The following KCNV2 variants were observed in gnomAD, a reference collection of about 807,000 sequenced individuals.
KCNV2 encodes potassium voltage-gated channel subfamily V member 2.
Under a neutral mutation model 37.0 loss-of-function variants are expected in KCNV2, and 65 were observed. That is an observed-to-expected ratio of 1.76 (90% CI 1.44 to 2.16). The LOEUF (loss-of-function observed/expected upper bound fraction) is 2.16, where lower values mean the gene tolerates loss of function less well. KCNV2 is among the 30% of genes most tolerant of loss of function. KCNV2 has a pLI of 0.00. For synonymous variants in KCNV2, 518 were observed against 328.6 expected, an observed-to-expected ratio of 1.58 and a Z score of -6.23; for missense variants, 1,232 against 766.7, an observed-to-expected ratio of 1.61 and a Z score of -7.17.
Position 2,718,759 on chromosome 9 carries a change from G to T in KCNV2, c.1020G>T (p.Leu340=), listed in dbSNP as rs745605626. 4.3e-6 allele frequency: 7 copies of T among 1,611,710 alleles called. No individual in the cohort carries two copies. The South Asian group carries it at 7.7e-5, about 18-fold the overall frequency. Residue 340 remains leucine (L), a synonymous_variant, in exon 1 of 2, where the codon CTG becomes CTT. Coordinates refer to ENST00000382082, the MANE Select transcript of KCNV2 (RefSeq NM_133497.4). Reference sequence around the variant, plus strand: ...GCAGCGCCCTCAACCTGGTGGACCTGGTGGCCATCCTGCCGCTCTACCTTC... The same window carrying T: ...GCAGCGCCCTCAACCTGGTGGACCTTGTGGCCATCCTGCCGCTCTACCTTC... ...FARSALNLVD[L]VAILPLYLQL... is the part of the protein sequence containing the mutation.
chr9:2,728,847 TC>T (rs1820011146), intron 1 of KCNV2, among the ~76,000 whole-genome samples: 1 of 144,816 alleles, frequency 6.9e-6, no homozygotes, highest in Non-Finnish European at 1.5e-5. Flanking sequence ...TTCACAAGAA[TC>T]CTAAGAGTTA....
chr9:2,717,831 G>C lies in KCNV2; in HGVS notation c.92G>C (p.Cys31Ser). The C allele has an allele frequency of 6.2e-7, 1 of 1,614,220 alleles. No individual in the cohort carries two copies. Among genetic ancestry groups the C allele is most frequent in the Non-Finnish European group, 8.5e-7 (1 of 1,180,038 alleles). The change falls in exon 1 of 2, where the codon TGC becomes TCC. Residue 31 changes from cysteine (C) to serine (S), a missense_variant. Physicochemically the swap from Cys to Ser is moderately radical, Grantham distance 112. Transcript: ENST00000382082. ...NEGSQHRRSICSLGARSGSQA... is the reference protein window; with the variant it reads ...NEGSQHRRSISSLGARSGSQA... ...GGCAGCCAACACCGCAGGAGCATTT[G>C]CTCCCTGGGTGCCCGTTCCGGCTCC...
At position 2,718,208 on chromosome 9, in the gene KCNV2, G is replaced by T. The variant is rs773801117; in HGVS notation, c.469G>T (p.Val157Phe). ...DEYFFDRDPA[V>F]FQLVYNFYLS... is the part of the protein sequence containing the mutation. ...ATACTTCTTCGACCGCGACCCGGCC[G>T]TCTTCCAGCTGGTCTACAATTTCTA... is the stretch of plus-strand genomic sequence containing the variant. Residue 157 changes from valine (V) to phenylalanine (F), a missense_variant, in exon 1 of 2, where the codon GTC (valine) becomes TTC (phenylalanine). By Grantham distance (50) the Val-to-Phe change is conservative. Transcript: ENST00000382082. 1 of 1,613,358 alleles carries T rather than the reference G, an allele frequency of 6.2e-7. No individual in the cohort carries two copies. Among genetic ancestry groups the T allele is most frequent in the Non-Finnish European group, 8.5e-7 (1 of 1,179,936 alleles).
chr9:2,724,940 A>T (rs1369782992), intron 1 of KCNV2, among the ~76,000 whole-genome samples: 3 of 152,234 alleles, frequency 2.0e-5, no homozygotes, highest in Non-Finnish European at 4.4e-5. Flanking sequence ...CCTCCTTCAG[A>T]AGTAGCACAG....
At chr9:2,725,040 T>G (rs2130866320) in intron 1 of KCNV2, among the ~76,000 whole-genome samples, 1 of 152,326 alleles carries the variant, frequency 6.6e-6, no homozygotes, top group South Asian at 2.1e-4. Flanking sequence ...TTTTATGTCT[T>G]TAAAGTATGT....
At position 2,718,698 on chromosome 9, in the gene KCNV2, G is replaced by A. The variant is rs1369674746; in HGVS notation, c.959G>A (p.Arg320His). 6.2e-7 allele frequency: 1 copy of A among 1,613,214 alleles called. No individual in the cohort carries two copies. Among genetic ancestry groups the A allele is most frequent in the Non-Finnish European group, 8.5e-7 (1 of 1,179,850 alleles). Reference protein sequence around the residue: ...MGFFTLEYLLRLASTPDLRRF... With the variant: ...MGFFTLEYLLHLASTPDLRRF... ...TTCTTCACGCTCGAGTACCTGCTGCGCCTAGCCTCCACGCCCGACCTGAGG... is the reference window on the plus strand; with the variant it reads ...TTCTTCACGCTCGAGTACCTGCTGCACCTAGCCTCCACGCCCGACCTGAGG... The change falls in exon 1 of 2, where the codon CGC becomes CAC. Residue 320 changes from arginine (R) to histidine (H), a missense_variant. Transcript: ENST00000382082.
rs1410786911 is a variant in KCNV2, at chr9:2,718,850, A to G, written c.1111A>G (p.Lys371Glu). The G allele has an allele frequency of 1.9e-6, 3 of 1,609,264 alleles. No individual in the cohort carries two copies. The East Asian group carries it at 6.7e-5, about 36-fold the overall frequency. The part of the protein sequence containing the change: ...QRGQTVGSVG[K>E]VGQVLRVMRL... The stretch of plus-strand genomic sequence containing the variant: ...CGGCCAGACGGTGGGCAGCGTGGGT[A>G]AGGTGGGTCAGGTGTTGCGCGTCAT... The change falls in exon 1 of 2, where the codon AAG (lysine) becomes GAG (glutamate). Residue 371 changes from lysine (K) to glutamate (E), a missense_variant. By Grantham distance (56) the Lys-to-Glu change is moderately conservative. Transcript: ENST00000382082.
intron 1 of KCNV2, among the ~76,000 whole-genome samples, chr9:2,724,962 G>C (rs1038070246): frequency 2.0e-5 from 3 of 152,178 alleles, no homozygotes; most frequent in African/African-American, 7.2e-5. Flanking sequence ...AGCTATAGAC[G>C]GGGTAAAGGC....
At chr9:2,719,320 C>A (rs1026174270) in intron 1 of KCNV2, among the ~76,000 whole-genome samples, 1 of 152,268 alleles carries the variant, frequency 6.6e-6, no homozygotes, top group Admixed American at 6.5e-5. Flanking sequence ...GTAGAAATCT[C>A]CAAATCTAGA....
At chr9:2,724,200 T>C (rs1202024949) in intron 1 of KCNV2, among the ~76,000 whole-genome samples, 1 of 150,562 alleles carries the variant, frequency 6.6e-6, no homozygotes, top group African/African-American at 2.5e-5. Context: ...AGAAAATTTA[T>C]CTCTAGTTGA....
intron 1 of KCNV2, among the ~76,000 whole-genome samples, chr9:2,722,676 C>T (rs182567252): frequency 6.6e-6 from 1 of 151,684 alleles, no homozygotes; most frequent in African/African-American, 2.4e-5. Context: ...ACATCACCAA[C>T]CACCCTGAAA....
chr9:2,729,371 T>G, intron 1 of KCNV2, 75 bp from the exon 2 acceptor site: 1 of 1,549,774 alleles, frequency 6.5e-7, no homozygotes, highest in Non-Finnish European at 8.9e-7. Context: ...GACGCTTCCC[T>G]GCTTGCTCCT....
intron 1 of KCNV2, among the ~76,000 whole-genome samples, chr9:2,722,099 A>C (rs1474943279): frequency 2.1e-5 from 3 of 140,576 alleles, no homozygotes; most frequent in African/African-American, 8.2e-5. Flanking sequence ...TTATAAATAA[A>C]TTAGAAGTTA....
chr9:2,720,110 A>T (rs1033232676), intron 1 of KCNV2, among the ~76,000 whole-genome samples: 2 of 152,200 alleles, frequency 1.3e-5, no homozygotes, highest in African/African-American at 4.8e-5. Flanking sequence ...TTAAGCAAAT[A>T]TAACTAGTTT....
chr9:2,724,311 A>G (rs1198284148), intron 1 of KCNV2, among the ~76,000 whole-genome samples: 1 of 152,164 alleles, frequency 6.6e-6, no homozygotes, highest in Non-Finnish European at 1.5e-5. Flanking sequence ...CACTGAAATT[A>G]TTTTATTTTT....
In KCNV2 at chr9:2,718,064, C is replaced by T. The variant is rs1478587308; in HGVS notation, c.325C>T (p.Gln109Ter). The T allele has an allele frequency of 7.5e-6, 12 of 1,606,438 alleles. No individual in the cohort carries two copies. In the South Asian group the frequency reaches 1.2e-4, roughly 16 times the overall value. ...TGTGAACGTGGGTGGCCACAGCTACCAGCTGGACTACTGCGAGCTGGCCGG... is the reference window on the plus strand; with the variant it reads ...TGTGAACGTGGGTGGCCACAGCTACTAGCTGGACTACTGCGAGCTGGCCGG... ...LNVNVGGHSY[Q>*]LDYCELAGFP... Residue 109 changes from glutamine to a stop codon, truncating the protein, a stop_gained, in exon 1 of 2, where the codon CAG becomes TAG. Coordinates refer to ENST00000382082, the MANE Select transcript of KCNV2 (RefSeq NM_133497.4). LOFTEE classifies it high-confidence loss of function.
At chr9:2,728,324 T>C (rs1033293594) in intron 1 of KCNV2, among the ~76,000 whole-genome samples, 1 of 151,926 alleles carries the variant, frequency 6.6e-6, no homozygotes, top group African/African-American at 2.4e-5. Context: ...CCCCCTGGAG[T>C]AGTGCAACGC....
At position 2,730,016 on chromosome 9, in the gene KCNV2, C is replaced by T. The variant is rs535730174; in HGVS notation, c.*289C>T. On this transcript the variant is annotated 3_prime_UTR_variant, in exon 2 of 2. Coordinates refer to ENST00000382082, the MANE Select transcript of KCNV2 (RefSeq NM_133497.4). ...TTGTAGCTTCTCGTGGCATCTAGCTCAATAAATATTTTTGGACTTGAGTTG... is the reference window on the plus strand; with the variant it reads ...TTGTAGCTTCTCGTGGCATCTAGCTTAATAAATATTTTTGGACTTGAGTTG... 2.9e-6 allele frequency: 1 copy of T among 347,934 alleles called. No homozygotes were observed. Among genetic ancestry groups the T allele is most frequent in the South Asian group, 5.2e-5 (1 of 19,294 alleles). 21.6% of individuals were successfully genotyped at this position (347,934 alleles called of 1,614,324 possible).
At chr9:2,729,077 TAGGG>T (rs1820018953) in intron 1 of KCNV2, among the ~76,000 whole-genome samples, 1 of 152,074 alleles carries the variant, frequency 6.6e-6, no homozygotes, top group Non-Finnish European at 1.5e-5. Context: ...CCAGCTGAGT[TAGGG>T]AGGCAAAGAT....
Sources: allele counts gnomAD v4.1 joint callset (sites outside exome capture counted in the v4.1 genomes callset), GRCh38; gene constraint gnomAD v4.1.1; transcripts MANE v1.5; gene names NCBI Gene and HGNC (gene_info 2026-07-23, HGNC 2026-07-21).